The following RELCH variants were observed in gnomAD, a reference collection of about 807,000 sequenced individuals.
The protein encoded by RELCH is RAB11-binding protein RELCH.
A neutral mutation model predicts 150.3 loss-of-function variants in RELCH; 41 were observed. The observed-to-expected ratio is 0.27, with a 90% CI of 0.21 to 0.35. The LOEUF is 0.35. Among genes scored for constraint, RELCH ranks in the 10% least tolerant of loss-of-function variants. The pLI is 1.00. For missense variants in RELCH, 1,092 were observed against 1,467.8 expected (o/e 0.74, Z 4.18); for synonymous variants, 478 against 531.8 (o/e 0.90, Z 1.39).
intron 22 of RELCH, among the ~76,000 whole-genome samples, chr18:62,277,224 G>T (rs2044260363): frequency 6.6e-6 from 1 of 151,866 alleles, no homozygotes; most frequent in Non-Finnish European, 1.5e-5. Flanking sequence ...GTCTGGTTTT[G>T]GTTTCTCTGT....
chr18:62,187,654 G>T lies in RELCH; in HGVS notation c.149G>T (p.Gly50Val). The T allele has an allele frequency of 6.4e-7, 1 of 1,558,638 alleles. No individual in the cohort carries two copies. Among genetic ancestry groups the T allele is most frequent in the Non-Finnish European group, 8.7e-7 (1 of 1,149,530 alleles). The change falls in exon 1 of 29, where the codon GGC becomes GTC. Residue 50 changes from glycine (G) to valine (V), a missense_variant. By Grantham distance (109) the Gly-to-Val change is moderately radical (BLOSUM62 -3). This residue lies in a region of RELCH where 138 missense variants were observed against 124.8 expected (regional missense o/e 1.11). Transcript: ENST00000644646. ...RLGAGSGLDPGSAGSLSPQDP... is the reference protein window; with the variant it reads ...RLGAGSGLDPVSAGSLSPQDP... ...GGCGCCGGAAGTGGCCTAGATCCTG[G>T]CTCTGCGGGCTCGCTGTCGCCACAG... is the stretch of plus-strand genomic sequence containing the variant.
intron 19 of RELCH, among the ~76,000 whole-genome samples, chr18:62,267,919 T>A (rs2043676353): frequency 6.6e-6 from 1 of 151,968 alleles, no homozygotes; most frequent in Non-Finnish European, 1.5e-5. Flanking sequence ...GCTTATGTTC[T>A]AACATTAACA....
In RELCH at chr18:62,307,365, T is replaced by C. The variant is rs2045909715; in HGVS notation, c.*1831T>C. 1 of 152,126 alleles carries C rather than the reference T, an allele frequency of 6.6e-6. No homozygotes were observed. Among genetic ancestry groups the C allele is most frequent in the South Asian group, 2.1e-4 (1 of 4,836 alleles). The allele number at this position is 152,126 out of a possible 1,614,324, so 9.4% of individuals were successfully genotyped here. On this transcript the variant is annotated 3_prime_UTR_variant, in exon 29 of 29. Coordinates refer to ENST00000644646, the MANE Select transcript of RELCH (RefSeq NM_001346231.2). ...TGATTTGCTTCAAACTATAGTAGAATATGTGTATGTTTGTTATCAGGTGAA... is the reference window on the plus strand; with the variant it reads ...TGATTTGCTTCAAACTATAGTAGAACATGTGTATGTTTGTTATCAGGTGAA...
chr18:62,205,970 G>A (rs1329496437), intron 1 of RELCH, among the ~76,000 whole-genome samples: 3 of 152,192 alleles, frequency 2.0e-5, no homozygotes, highest in African/African-American at 7.2e-5. Context: ...ACTGCAGTAA[G>A]CCATGATTTT....
At chr18:62,302,676 C>T (rs573090077) in intron 28 of RELCH, among the ~76,000 whole-genome samples, 10 of 152,208 alleles carry the variant, frequency 6.6e-5, no homozygotes, top group African/African-American at 2.4e-4. Context: ...AGGCGTGCAC[C>T]ATCATGCCCA....
At chr18:62,303,055 G>T (rs1361263169) in intron 28 of RELCH, among the ~76,000 whole-genome samples, 1 of 151,690 alleles carries the variant, frequency 6.6e-6, no homozygotes, top group African/African-American at 2.4e-5. Flanking sequence ...TCTAAAACAA[G>T]TCTTTATCAT....
intron 28 of RELCH, chr18:62,300,642 T>C (rs1437861225): frequency 5.9e-5 from 9 of 152,212 alleles, no homozygotes; most frequent in African/African-American, 2.2e-4. Flanking sequence ...AAACTGCAGA[T>C]CATTGACGTT....
intron 21 of RELCH, 76 bp from the exon 22 acceptor site, chr18:62,275,298 A>C (rs746379073): frequency 1.5e-6 from 1 of 655,272 alleles, no homozygotes; most frequent in Non-Finnish European, 2.6e-6. Context: ...ATTCCTTATA[A>C]ATATCGTGTT....
chr18:62,272,382 A>G (rs1348622476), intron 20 of RELCH, among the ~76,000 whole-genome samples: 2 of 152,152 alleles, frequency 1.3e-5, no homozygotes, highest in Non-Finnish European at 2.9e-5. Context: ...ATTTTAAATC[A>G]TAATAATTAA....
In RELCH at chr18:62,275,392, T is replaced by C; in HGVS notation, c.2886T>C (p.His962=). The stretch of plus-strand genomic sequence containing the variant: ...CTTCTAGTGCAAACCCAGCCTACCA[T>C]GAGTTACTATTAACTGTTTTGTGGT... ...FVELGANPAY[H]ELLLTVLWYG... is the part of the protein sequence containing the mutation. The change falls in exon 22 of 29, where the codon CAT becomes CAC. Residue 962 remains histidine, a synonymous_variant. Transcript: ENST00000644646. The C allele has an allele frequency of 6.4e-7, 1 of 1,551,196 alleles. No individual in the cohort carries two copies. Among genetic ancestry groups the C allele is most frequent in the Non-Finnish European group, 8.7e-7 (1 of 1,154,802 alleles).
chr18:62,263,975 T>C lies in RELCH; in HGVS notation c.2351-14T>C, dbSNP rs758420256. On this transcript the variant is annotated splice_polypyrimidine_tract_variant and intron_variant, in intron 16 of 28. Transcript: ENST00000644646. ...CAATTTCCATATGATTTATTTTGCT[T>C]CTTTTATGTGTAGTGACTAGGTTTC... 5.6e-6 allele frequency: 9 copies of C among 1,599,376 alleles called. No homozygotes were observed. Among genetic ancestry groups the C allele is most frequent in the Admixed American group, 1.7e-5 (1 of 57,214 alleles).
At chr18:62,292,855 T>A (rs1322756349) in intron 27 of RELCH, among the ~76,000 whole-genome samples, 1 of 152,240 alleles carries the variant, frequency 6.6e-6, no homozygotes, top group Admixed American at 6.5e-5. Context: ...GAAACCATTG[T>A]AGAATATCCT....
Position 62,305,620 on chromosome 18 carries a change from T to C in RELCH, c.*86T>C. 7.1e-7 allele frequency: 1 copy of C among 1,403,424 alleles called. No homozygotes were observed. The highest frequency in any genetic ancestry group is 2.4e-5 in the Admixed American group (1 of 40,866). 86.9% of individuals were successfully genotyped at this position (1,403,424 alleles called of 1,614,324 possible). On this transcript the variant is annotated 3_prime_UTR_variant, in exon 29 of 29. Transcript: ENST00000644646. The surrounding 1 kb of genome is among the most constrained non-coding windows in gnomAD (Gnocchi z 4.0). ...ACTTGAAGTACTTGCCTTTTTTGTT[T>C]CCTCAGTTTTATGTTCTTGCATTAT... is the stretch of plus-strand genomic sequence containing the variant.
Position 62,255,475 on chromosome 18 carries a change from T to G in RELCH, c.1893T>G (p.Leu631=), listed in dbSNP as rs1222077817. The G allele has an allele frequency of 3.8e-6, 6 of 1,582,454 alleles. No individual in the cohort carries two copies. The highest frequency in any genetic ancestry group is 1.4e-5 in the African/African-American group (1 of 72,468). The part of the protein sequence containing the change: ...AESCGALAPY[L]PKEIRSSLVL... ...CCTGTGGAGCACTGGCACCTTACCT[T>G]CCTGTAAGATTGTCTTTTTTTTTTT... Residue 631 remains leucine (L), a synonymous_variant, in exon 13 of 29, where the codon CTT becomes CTG. Coordinates refer to ENST00000644646, the MANE Select transcript of RELCH (RefSeq NM_001346231.2).
intron 1 of RELCH, among the ~76,000 whole-genome samples, chr18:62,201,123 G>T (rs1213924639): frequency 2.0e-5 from 3 of 151,732 alleles, no homozygotes; most frequent in African/African-American, 7.2e-5. Context: ...ACAGGCGCAT[G>T]CCACCATGCC....
intron 27 of RELCH, among the ~76,000 whole-genome samples, chr18:62,296,026 T>C (rs2045391392): frequency 6.6e-6 from 1 of 152,174 alleles, no homozygotes; most frequent in African/African-American, 2.4e-5. Flanking sequence ...GGGAATTATC[T>C]TGTGATATTT....
chr18:62,277,656 G>A (rs1262097916), intron 22 of RELCH: 2 of 975,540 alleles, frequency 2.1e-6, no homozygotes, highest in Non-Finnish European at 1.2e-6. Context: ...ACCTAATAGG[G>A]TATGGTCACT....
chr18:62,280,508 CT>C, intron 23 of RELCH, 137 bp from the exon 24 acceptor site: 6 of 1,484,852 alleles, frequency 4.0e-6, no homozygotes, highest in East Asian at 2.3e-5. Flanking sequence ...TCTTGGTCTG[CT>C]TTTTTTAAAT....
intron 18 of RELCH, 24 bp downstream of exon 18, chr18:62,264,876 T>G (rs1460583224): frequency 6.3e-7 from 1 of 1,579,478 alleles, no homozygotes; most frequent in Non-Finnish European, 8.6e-7. Context: ...TTCCATGTTT[T>G]CTTATATGAA....
Sources: gnomAD v4.1 joint callset for allele counts (sites outside exome capture counted in the v4.1 genomes callset) on GRCh38, gnomAD v4.1.1 for gene constraint, gnomAD v4.1.1 regional missense constraint, Gnocchi (gnomAD v3.1) non-coding constraint, MANE v1.5 for transcripts, NCBI Gene and HGNC (gene_info 2026-07-23, HGNC 2026-07-21) for gene names.